The following RALGPS2 variants were observed in gnomAD, a reference collection of about 807,000 sequenced individuals.
RALGPS2 encodes ras-specific guanine nucleotide-releasing factor RalGPS2.
In RALGPS2, 43 loss-of-function variants were observed where a neutral mutation model predicts 86.8. The ratio of observed to expected loss-of-function variants is 0.50; its 90% CI spans 0.39 to 0.64. RALGPS2 has a LOEUF of 0.64. Among genes scored for constraint, RALGPS2 ranks in the 30% least tolerant of loss-of-function variants. The pLI is 0.00. For synonymous variants in RALGPS2, 243 were observed against 231.3 expected (o/e 1.05, Z -0.46); for missense variants, 536 against 694.6 (o/e 0.77, Z 2.57).
At chr1:178,803,656 A>G (rs1244947859) in intron 4 of RALGPS2, among the ~76,000 whole-genome samples, 1 of 152,088 alleles carries the variant, frequency 6.6e-6, no homozygotes, top group Non-Finnish European at 1.5e-5. Flanking sequence ...TTGAATATCC[A>G]GAAATTTTTA....
At chr1:178,857,836 G>A (rs1657696238) in intron 8 of RALGPS2, among the ~76,000 whole-genome samples, 2 of 152,128 alleles carry the variant, frequency 1.3e-5, no homozygotes, top group Admixed American at 1.3e-4. Flanking sequence ...TGTTCTGAAT[G>A]TTGACAGAAT....
At chr1:178,822,813 G>A (rs1655565950) in intron 7 of RALGPS2, among the ~76,000 whole-genome samples, 1 of 151,876 alleles carries the variant, frequency 6.6e-6, no homozygotes, top group African/African-American at 2.4e-5. Flanking sequence ...AAAGTTTTAG[G>A]GAAAAGAATT....
At chr1:178,786,428 G>A (rs565454156) in intron 4 of RALGPS2, among the ~76,000 whole-genome samples, 2 of 152,112 alleles carry the variant, frequency 1.3e-5, no homozygotes, top group African/African-American at 4.8e-5. Context: ...TTGGAGAGGA[G>A]AGAAAGGATC....
In RALGPS2 at chr1:178,806,212, C is replaced by G. The variant is rs184818220; in HGVS notation, c.214-1833C>G. On this transcript the variant is annotated intron_variant, in intron 4 of 19. Transcript: ENST00000367635. Reference sequence around the variant, plus strand: ...TCTCAGAGAGTAGGTACATAGAAGACAAATTCTCTGAGATGTTCATGTCTG... The same window carrying G: ...TCTCAGAGAGTAGGTACATAGAAGAGAAATTCTCTGAGATGTTCATGTCTG... Among the ~76,000 whole-genome samples the G allele has an allele frequency of 3.9e-5, 6 of 152,230 alleles. No homozygotes were observed. The East Asian group carries it at 1.2e-3, about 29-fold the overall frequency.
intron 13 of RALGPS2, among the ~76,000 whole-genome samples, chr1:178,889,367 T>G (rs188908945): frequency 1.6e-3 from 246 of 152,212 alleles, no homozygotes; most frequent in Non-Finnish European, 2.6e-3. Context: ...GGAAAAATTG[T>G]TTATTGACAT....
intron 9 of RALGPS2, 75 bp from the exon 10 acceptor site, chr1:178,878,827 T>C: frequency 1.3e-6 from 2 of 1,558,922 alleles, no homozygotes; most frequent in Non-Finnish European, 1.7e-6. Flanking sequence ...TACCTTTAAG[T>C]TATTTTCAGC....
chr1:178,769,674 C>T (rs960133986), intron 1 of RALGPS2, among the ~76,000 whole-genome samples: 3 of 152,144 alleles, frequency 2.0e-5, no homozygotes, highest in Admixed American at 6.5e-5. Flanking sequence ...AGACTGGTTT[C>T]AGGTCATGAA....
chr1:178,833,583 AGTT>A (rs1482133704), intron 8 of RALGPS2, 33 bp downstream of exon 8: 2 of 1,516,700 alleles, frequency 1.3e-6, no homozygotes, highest in Non-Finnish European at 1.7e-6. Context: ...TTTTGTTTCT[AGTT>A]GTTACTCTTC....
intron 4 of RALGPS2, among the ~76,000 whole-genome samples, chr1:178,797,341 G>A (rs1292059986): frequency 6.6e-6 from 1 of 151,880 alleles, no homozygotes; most frequent in East Asian, 1.9e-4. Flanking sequence ...GAGAAATTTA[G>A]CAGCTCTTGA....
At chr1:178,916,182 C>T in intron 19 of RALGPS2, 148 bp from the exon 20 acceptor site, 1 of 616,026 alleles carries the variant, frequency 1.6e-6, no homozygotes, top group Admixed American at 3.1e-5. Flanking sequence ...GTTAATTATT[C>T]ATAAACTATT....
chr1:178,743,877 A>AC (rs369315690), intron 1 of RALGPS2, among the ~76,000 whole-genome samples: 1 of 152,210 alleles, frequency 6.6e-6, no homozygotes, highest in Non-Finnish European at 1.5e-5. Flanking sequence ...CCAAAAAAAA[A>AC]CCCAAAATAA....
intron 2 of RALGPS2, among the ~76,000 whole-genome samples, chr1:178,778,753 A>T (rs1296579611): frequency 1.3e-5 from 2 of 149,510 alleles, no homozygotes; most frequent in East Asian, 4.0e-4. Flanking sequence ...AGGGACATGG[A>T]TGAAATTGGA....
At chr1:178,893,567 T>C (rs1659810915) in intron 15 of RALGPS2, among the ~76,000 whole-genome samples, 1 of 151,430 alleles carries the variant, frequency 6.6e-6, no homozygotes, top group East Asian at 1.9e-4. Flanking sequence ...ATGTGGAAAA[T>C]AAGGTTGCAA....
At chr1:178,807,197 G>A (rs973871120) in intron 4 of RALGPS2, among the ~76,000 whole-genome samples, 2 of 152,154 alleles carry the variant, frequency 1.3e-5, no homozygotes, top group African/African-American at 2.4e-5. Flanking sequence ...TTAGCCGAAT[G>A]TGGTGGTACA....
rs1242521815 is a variant in RALGPS2, at chr1:178,859,823, C to A, written c.608-17675C>A. 2.1e-4 allele frequency among the ~76,000 whole-genome samples: 13 copies of A among 62,264 alleles called. No homozygotes were observed. The East Asian group carries it at 4.5e-3, about 21-fold the overall frequency. 40.8% of individuals were successfully genotyped at this position (62,264 alleles called of 152,430 possible). ...TGCCATTCTCCTGCCTCTGCCCGCC[C>A]CCCCCCCCCCAACCGCCCAAGTAGC... is the stretch of plus-strand genomic sequence containing the variant. On this transcript the variant is annotated intron_variant, in intron 8 of 19. Coordinates refer to ENST00000367635, the MANE Select transcript of RALGPS2 (RefSeq NM_152663.5).
chr1:178,814,611 T>TTTTTG (rs557574017), intron 6 of RALGPS2, among the ~76,000 whole-genome samples: 2,786 of 152,188 alleles, frequency 0.018, 96 homozygotes, highest in African/African-American at 0.062. Flanking sequence ...AATTTCTGTT[T>TTTTTG]TTTTGTTTTG....
At position 178,835,392 on chromosome 1, in the gene RALGPS2, C is replaced by CCTTTT. The variant is rs1656224633; in HGVS notation, c.607+1842_607+1843insCTTTT. ...AGCATTGTGATATCTTCTTTCTTTT[C>CCTTTT]TTTTTTTTTTTTTTTTTTGCGACAG... is the stretch of plus-strand genomic sequence containing the variant. On this transcript the variant is annotated intron_variant, in intron 8 of 19. Coordinates refer to ENST00000367635, the MANE Select transcript of RALGPS2 (RefSeq NM_152663.5). Among the ~76,000 whole-genome samples the CCTTTT allele has an allele frequency of 1.6e-5, 2 of 122,056 alleles. 1 individual carries two copies. The highest frequency in any genetic ancestry group is 6.1e-5 in the African/African-American group (2 of 32,910). The allele number at this position is 122,056 out of a possible 152,430, so 80.1% of individuals were successfully genotyped here. A position where few individuals can be genotyped will look rare whatever the true frequency, so the allele number is the denominator to read the frequency against.
intron 7 of RALGPS2, among the ~76,000 whole-genome samples, chr1:178,827,630 C>T (rs1472173407): frequency 5.9e-5 from 9 of 151,996 alleles, no homozygotes; most frequent in South Asian, 2.1e-4. Context: ...CTCCTGACCT[C>T]GTGATCCGCC....
chr1:178,741,847 G>A (rs1428654129), intron 1 of RALGPS2, among the ~76,000 whole-genome samples: 1 of 152,090 alleles, frequency 6.6e-6, no homozygotes, highest in Non-Finnish European at 1.5e-5. Context: ...CATTTAAGAA[G>A]CAGAAATGGG....
Sources: allele counts gnomAD v4.1 joint callset (sites outside exome capture counted in the v4.1 genomes callset), GRCh38; gene constraint gnomAD v4.1.1; transcripts MANE v1.5; gene names NCBI Gene and HGNC (gene_info 2026-07-23, HGNC 2026-07-21).